DNAH5: variants seen among roughly 807,000 people sequenced by gnomAD.
DNAH5 encodes the protein dynein axonemal heavy chain 5.
In DNAH5, 372 loss-of-function variants were observed where a neutral mutation model predicts 518.2. The ratio of observed to expected loss-of-function variants is 0.72; its 90% CI spans 0.66 to 0.78. DNAH5 has a LOEUF of 0.78. Ranked by LOEUF, DNAH5 falls within the 30% of genes least tolerant of loss-of-function variation. The pLI is 0.00. For missense variants in DNAH5, 5,523 were observed against 5,687.0 expected (o/e 0.97, Z 0.93); for synonymous variants, 2,039 against 2,025.9 (o/e 1.01, Z -0.17).
chr5:13,956,144 T>C (rs924048938), intron 1 of DNAH5, among the ~76,000 whole-genome samples: 4 of 152,214 alleles, frequency 2.6e-5, no homozygotes, highest in Admixed American at 2.6e-4. Flanking sequence ...TCTGTTCCCA[T>C]GGCCCTTCCT....
Position 13,811,766 on chromosome 5 carries a change from C to T in DNAH5, c.7288G>A (p.Glu2430Lys), listed in dbSNP as rs575491117. The change falls in exon 44 of 79, where the codon GAG becomes AAG. Residue 2430 changes from glutamate to lysine, a missense_variant. Physicochemically the swap from Glu to Lys is moderately conservative, Grantham distance 56. Transcript: ENST00000265104. Reference protein sequence around the residue: ...EAEILRQLYTESFPDLYRFCI... With the variant: ...EAEILRQLYTKSFPDLYRFCI... The stretch of plus-strand genomic sequence containing the variant: ...AAGCGATACAAGTCTGGGAAAGACT[C>T]GGTGTACAGCTGACGAAGAATTTCT... 8.7e-6 allele frequency: 14 copies of T among 1,614,082 alleles called. No individual in the cohort carries two copies. The Middle Eastern group carries it at 6.6e-4, about 76-fold the overall frequency.
intron 1 of DNAH5, among the ~76,000 whole-genome samples, chr5:14,000,004 A>AG (rs954611928): frequency 1.3e-5 from 2 of 152,258 alleles, no homozygotes; most frequent in Non-Finnish European, 2.9e-5. Flanking sequence ...TACTGATAAT[A>AG]GGTTCATGCA....
At chr5:13,828,497 G>C (rs1443807788) in intron 38 of DNAH5, among the ~76,000 whole-genome samples, 1 of 152,220 alleles carries the variant, frequency 6.6e-6, no homozygotes, top group African/African-American at 2.4e-5. Context: ...GGCAGGACCT[G>C]TGATTTGCTT....
In DNAH5 at chr5:13,754,632, G is replaced by A. The variant is rs111376672; in HGVS notation, c.10420-294C>T. Among the ~76,000 whole-genome samples the A allele has an allele frequency of 5.5e-3, 842 of 152,022 alleles. 11 individuals are homozygous for A. The highest frequency in any genetic ancestry group is 0.019 in the African/African-American group (786 of 41,464). ...TAGCTCACTGCAACCTCTGCCTCCCGGGTTCAAGTGATTCTCCTGCCTCAG... is the reference window on the plus strand; with the variant it reads ...TAGCTCACTGCAACCTCTGCCTCCCAGGTTCAAGTGATTCTCCTGCCTCAG... On this transcript the variant is annotated intron_variant, in intron 61 of 78. Coordinates refer to ENST00000265104, the MANE Select transcript of DNAH5 (RefSeq NM_001369.3).
At chr5:13,935,527 A>G (rs1683525150) in intron 1 of DNAH5, among the ~76,000 whole-genome samples, 1 of 152,206 alleles carries the variant, frequency 6.6e-6, no homozygotes, top group Non-Finnish European at 1.5e-5. Context: ...TGATTGTTCT[A>G]TTGCCTGAAG....
chr5:13,832,106 A>G (rs1763750153), intron 35 of DNAH5, among the ~76,000 whole-genome samples: 1 of 152,212 alleles, frequency 6.6e-6, no homozygotes, highest in African/African-American at 2.4e-5. Flanking sequence ...AAGTTTACCT[A>G]TGTAACAAAC....
rs1388168942 is a variant in DNAH5 at position 13,752,115 on chromosome 5, A to C, written c.11028+19T>G. 6.2e-7 allele frequency: 1 copy of C among 1,613,262 alleles called. No homozygotes were observed. The highest frequency in any genetic ancestry group is 1.3e-5 in the African/African-American group (1 of 74,904). On this transcript the variant is annotated intron_variant, in intron 64 of 78. Coordinates refer to ENST00000265104, the MANE Select transcript of DNAH5 (RefSeq NM_001369.3). ...CATGGTAATTGTTCTGCACATTGTCATCCATAGGTTTAACCTACCTTAAAG... is the reference window on the plus strand; with the variant it reads ...CATGGTAATTGTTCTGCACATTGTCCTCCATAGGTTTAACCTACCTTAAAG...
intron 65 of DNAH5, among the ~76,000 whole-genome samples, chr5:13,739,066 A>C (rs1053452456): frequency 6.6e-6 from 1 of 152,138 alleles, no homozygotes; most frequent in African/African-American, 2.4e-5. Flanking sequence ...TGCGTTTGAC[A>C]GTTCTGACTG....
intron 1 of DNAH5, among the ~76,000 whole-genome samples, chr5:14,001,231 A>C (rs1449652758): frequency 6.6e-6 from 1 of 152,194 alleles, no homozygotes; most frequent in Non-Finnish European, 1.5e-5. Flanking sequence ...TCACACTCCA[A>C]GCCTCAGTAT....
chr5:13,885,744 C>A (rs1772330115), intron 18 of DNAH5, among the ~76,000 whole-genome samples: 1 of 152,142 alleles, frequency 6.6e-6, no homozygotes, highest in Non-Finnish European at 1.5e-5. Context: ...AGGGCCAATG[C>A]AAAGTGCATG....
chr5:13,747,102 T>C (rs764251891), intron 65 of DNAH5, among the ~76,000 whole-genome samples: 19 of 151,274 alleles, frequency 1.3e-4, no homozygotes, highest in Non-Finnish European at 2.1e-4. Flanking sequence ...AGTGTTCTCA[T>C]TGTTCAATTC....
intron 42 of DNAH5, 31 bp downstream of exon 42, chr5:13,817,517 T>C: frequency 1.2e-6 from 2 of 1,607,068 alleles, no homozygotes; most frequent in Non-Finnish European, 1.7e-6. Flanking sequence ...AGAAGTATAA[T>C]CAAAAATAAT....
In DNAH5 at chr5:13,776,457, T is replaced by C. The variant is rs76690956; in HGVS notation, c.9355A>G (p.Lys3119Glu). Residue 3119 changes from lysine to glutamate, a missense_variant, in exon 55 of 79, where the codon AAA (lysine) becomes GAA (glutamate). Transcript: ENST00000265104. ...TACTAACCAGCAACTAAAGCATCTT[T>C]GGGCCATCGGCTGAACCAGTCAATT... ...CTIDWFSRWP[K>E]DALVAVSEHF... 605 of 1,613,786 alleles carry C rather than the reference T, an allele frequency of 3.7e-4. 3 individuals are homozygous for C. In the African/African-American group the frequency reaches 7.1e-3, roughly 19 times the overall value.
chr5:13,844,166 G>A (rs973237786), intron 32 of DNAH5, among the ~76,000 whole-genome samples: 11 of 152,184 alleles, frequency 7.2e-5, no homozygotes, highest in Admixed American at 7.2e-4. Flanking sequence ...CCAGTGTTAA[G>A]CATGACATCT....
chr5:13,925,289 T>C (rs1777752996), intron 3 of DNAH5, among the ~76,000 whole-genome samples: 1 of 151,842 alleles, frequency 6.6e-6, no homozygotes, highest in Admixed American at 6.6e-5. Context: ...GAAAAAAAAA[T>C]CTGCAGAAAT....
chr5:13,728,368 A>G (rs1027221311), intron 69 of DNAH5, among the ~76,000 whole-genome samples: 3 of 152,166 alleles, frequency 2.0e-5, no homozygotes, highest in Non-Finnish European at 4.4e-5. Flanking sequence ...CCTTTTCATC[A>G]AGGGTTCCAA....
At position 13,823,099 on chromosome 5, in the gene DNAH5, A is replaced by G. The variant is rs551405575; in HGVS notation, c.6687+164T>C. On this transcript the variant is annotated intron_variant, in intron 40 of 78. Coordinates refer to ENST00000265104, the MANE Select transcript of DNAH5 (RefSeq NM_001369.3). ...GGAGACCCAGGGCAAGGGGAGTTTGACTCGTGGTGTGCATTGGCCTCCCTT... is the reference window on the plus strand; with the variant it reads ...GGAGACCCAGGGCAAGGGGAGTTTGGCTCGTGGTGTGCATTGGCCTCCCTT... Among the ~76,000 whole-genome samples, 3 of 152,230 alleles carry G rather than the reference A, an allele frequency of 2.0e-5. No individual in the cohort carries two copies. In the South Asian group the frequency reaches 6.2e-4, roughly 32 times the overall value.
chr5:13,889,069 T>A (rs777528487), intron 17 of DNAH5, among the ~76,000 whole-genome samples: 1 of 152,220 alleles, frequency 6.6e-6, no homozygotes, highest in African/African-American at 2.4e-5. Flanking sequence ...CTGATATATA[T>A]GGAGTAGAGA....
At chr5:13,990,735 C>T (rs752990214) in intron 1 of DNAH5, among the ~76,000 whole-genome samples, 4 of 151,916 alleles carry the variant, frequency 2.6e-5, no homozygotes, top group Middle Eastern at 3.4e-3. Flanking sequence ...GGCATGGTGG[C>T]GCGTGGCTGT....
Sources: allele counts gnomAD v4.1 joint callset (sites outside exome capture counted in the v4.1 genomes callset), GRCh38; gene constraint gnomAD v4.1.1; transcripts MANE v1.5; gene names NCBI Gene and HGNC (gene_info 2026-07-23, HGNC 2026-07-21).